The following RBFOX1 variants were observed in gnomAD, a reference collection of about 807,000 sequenced individuals.
RBFOX1 encodes the protein RNA binding fox-1 homolog 1.
Under a neutral mutation model 57.7 loss-of-function variants are expected in RBFOX1, and 8 were observed. The ratio of observed to expected loss-of-function variants is 0.14; its 90% CI spans 0.08 to 0.25. The LOEUF is 0.25. Ranked by LOEUF, RBFOX1 falls within the 10% of genes least tolerant of loss-of-function variation. RBFOX1 has a pLI of 1.00. For missense variants in RBFOX1, 611 were observed against 548.5 expected (o/e 1.11, Z -1.14); for synonymous variants, 326 against 222.4 (o/e 1.47, Z -4.15).
intron 1 of RBFOX1, among the ~76,000 whole-genome samples, chr16:6,216,630 G>A (rs1386957012): frequency 6.6e-6 from 1 of 152,108 alleles, no homozygotes; most frequent in Non-Finnish European, 1.5e-5. Context: ...CTGAAATGCT[G>A]TAACTTTGAT....
intron 14 of RBFOX1, among the ~76,000 whole-genome samples, chr16:7,698,592 C>G (rs560403738): frequency 9.6e-4 from 146 of 152,156 alleles, no homozygotes; most frequent in African/African-American, 2.8e-3. Context: ...AAGAAGTTTC[C>G]CAATTGGCCA....
chr16:5,286,022 G>A (rs1375116765), intron 1 of RBFOX1, among the ~76,000 whole-genome samples: 10 of 152,004 alleles, frequency 6.6e-5, no homozygotes, highest in South Asian at 2.1e-4. Flanking sequence ...TGCCCACATC[G>A]GCCTCCCAAA....
chr16:6,582,153 C>A (rs1432288255), intron 2 of RBFOX1, among the ~76,000 whole-genome samples: 1 of 152,026 alleles, frequency 6.6e-6, no homozygotes, highest in Non-Finnish European at 1.5e-5. Flanking sequence ...TAAAATGGAC[C>A]CCTTGTAAAT....
chr16:5,386,292 T>A (rs2066253738), intron 1 of RBFOX1, among the ~76,000 whole-genome samples: 1 of 152,000 alleles, frequency 6.6e-6, no homozygotes, highest in African/African-American at 2.4e-5. Flanking sequence ...TGGGCTTCTC[T>A]TCTGCCTCAG....
chr16:6,374,825 A>G (rs1288218684), intron 2 of RBFOX1, among the ~76,000 whole-genome samples: 2 of 152,212 alleles, frequency 1.3e-5, no homozygotes, highest in Admixed American at 6.5e-5. Flanking sequence ...TTTATTCTTA[A>G]TCTGTGAACA....
chr16:6,933,902 C>G (rs1421820713), intron 3 of RBFOX1, among the ~76,000 whole-genome samples: 1 of 152,032 alleles, frequency 6.6e-6, no homozygotes. Flanking sequence ...TATTGAACAA[C>G]AAAATACCAG....
intron 1 of RBFOX1, among the ~76,000 whole-genome samples, chr16:6,300,475 G>A (rs749738810): frequency 1.3e-5 from 2 of 152,010 alleles, no homozygotes; most frequent in African/African-American, 2.4e-5. Context: ...AAATCCCTCC[G>A]CCAACCCAAC....
intron 2 of RBFOX1, among the ~76,000 whole-genome samples, chr16:6,553,823 G>A (rs564244571): frequency 6.6e-6 from 1 of 152,278 alleles, no homozygotes; most frequent in Non-Finnish European, 1.5e-5. Flanking sequence ...ACAGCAACCC[G>A]TGGATGGTGC....
intron 3 of RBFOX1, among the ~76,000 whole-genome samples, chr16:6,867,629 G>C (rs897552782): frequency 2.6e-5 from 4 of 152,146 alleles, no homozygotes; most frequent in African/African-American, 4.8e-5. Flanking sequence ...TCAGGCAGCA[G>C]GATCGCTTGA....
At chr16:7,055,245 C>T (rs189850571) in intron 4 of RBFOX1, among the ~76,000 whole-genome samples, 81 of 152,154 alleles carry the variant, frequency 5.3e-4, no homozygotes, top group Admixed American at 3.3e-3. Context: ...CAGCTGACTA[C>T]GCAACACTTT....
chr16:7,614,059 G>A (rs959872994), intron 10 of RBFOX1, among the ~76,000 whole-genome samples: 1 of 152,084 alleles, frequency 6.6e-6, no homozygotes, highest in African/African-American at 2.4e-5. Flanking sequence ...TGCCCCTCTT[G>A]GCTCCAACAC....
chr16:6,613,597 A>G (rs139429453), intron 2 of RBFOX1, among the ~76,000 whole-genome samples: 80 of 152,298 alleles, frequency 5.3e-4, no homozygotes, highest in African/African-American at 1.8e-3. Context: ...TTGAAATCTA[A>G]TTCCATAATA....
At chr16:7,171,083 G>C (rs992198228) in intron 4 of RBFOX1, among the ~76,000 whole-genome samples, 1 of 152,168 alleles carries the variant, frequency 6.6e-6, no homozygotes, top group Non-Finnish European at 1.5e-5. Flanking sequence ...TGGAGGTCCA[G>C]CTCCATCCCA....
At chr16:5,881,477 C>G (rs564316603) in intron 4 of RBFOX1, among the ~76,000 whole-genome samples, 26 of 151,998 alleles carry the variant, frequency 1.7e-4, no homozygotes, top group Non-Finnish European at 3.4e-4. Context: ...GTGAAGAGTT[C>G]GAGACCAACC....
At chr16:6,619,625 G>A (rs8062885) in intron 2 of RBFOX1, among the ~76,000 whole-genome samples, 4 of 150,508 alleles carry the variant, frequency 2.7e-5, no homozygotes, top group Admixed American at 6.6e-5. Flanking sequence ...TTTGGTGTGC[G>A]TAAACCTGTG....
At position 6,347,267 on chromosome 16, in the gene RBFOX1, C is replaced by T. The variant is rs117174567; in HGVS notation, c.-64+30210C>T. On this transcript the variant is annotated intron_variant, in intron 2 of 15. Transcript: ENST00000550418. ...AAGTCATGGTAATGTAGACAGTGAA[C>T]GGGAGATGGTTCTCATCCTCAACCA... Among the ~76,000 whole-genome samples the T allele has an allele frequency of 2.6e-3, 402 of 152,246 alleles. 3 individuals carry two copies. Among genetic ancestry groups the T allele is most frequent in the Non-Finnish European group, 5.1e-3 (350 of 68,022 alleles).
At chr16:6,199,051 T>A (rs2097198726) in intron 1 of RBFOX1, among the ~76,000 whole-genome samples, 1 of 152,102 alleles carries the variant, frequency 6.6e-6, no homozygotes, top group Non-Finnish European at 1.5e-5. Flanking sequence ...GGTCACGTGT[T>A]TTCTCTTCTG....
chr16:5,823,651 G>T (rs568402706), intron 3 of RBFOX1, among the ~76,000 whole-genome samples: 2 of 152,212 alleles, frequency 1.3e-5, no homozygotes, highest in South Asian at 4.2e-4. Context: ...CTCCAGTCAG[G>T]TCAGTGGCAG....
At chr16:6,167,516 T>C (rs1175392257) in intron 1 of RBFOX1, among the ~76,000 whole-genome samples, 5 of 152,230 alleles carry the variant, frequency 3.3e-5, no homozygotes, top group Admixed American at 2.0e-4. Flanking sequence ...TTTATTACTC[T>C]TTGTTTTGGG....
Sources: allele counts gnomAD v4.1 joint callset (sites outside exome capture counted in the v4.1 genomes callset), GRCh38; gene constraint gnomAD v4.1.1; transcripts MANE v1.5; gene names NCBI Gene and HGNC (gene_info 2026-07-23, HGNC 2026-07-21).